Variants in AGBL1 observed in about 807,000 individuals in gnomAD.
AGBL1 encodes the protein cytosolic carboxypeptidase 4.
Under a neutral mutation model 118.9 loss-of-function variants are expected in AGBL1, and 130 were observed. The ratio of observed to expected loss-of-function variants is 1.09; its 90% confidence interval spans 0.95 to 1.26. AGBL1 has a LOEUF of 1.26. Ranked by LOEUF, AGBL1 falls within the 50% of genes most tolerant of loss-of-function variation. The pLI is 0.00. For missense variants in AGBL1, 1,584 were observed against 1,298.1 expected (o/e 1.22, Z -3.38); for synonymous variants, 555 against 478.9 (o/e 1.16, Z -2.08).
At chr15:86,472,957 C>A (rs1006628133) in intron 18 of AGBL1, among the ~76,000 whole-genome samples, 2 of 151,936 alleles carry the variant, frequency 1.3e-5, no homozygotes, top group African/African-American at 4.8e-5. Context: ...AACCCATTAG[C>A]CCAGAATCAA....
intron 21 of AGBL1, among the ~76,000 whole-genome samples, chr15:86,651,533 G>T (rs1466362623): frequency 6.6e-6 from 1 of 152,192 alleles, no homozygotes; most frequent in Non-Finnish European, 1.5e-5. Flanking sequence ...AAGTGATTTA[G>T]ATGAGTTATT....
At chr15:86,899,068 A>G (rs1458669676) in intron 22 of AGBL1, among the ~76,000 whole-genome samples, 1 of 152,166 alleles carries the variant, frequency 6.6e-6, no homozygotes, top group African/African-American at 2.4e-5. Context: ...AAATCATTCT[A>G]CCGCAAAGAC....
chr15:86,225,149 C>T (rs918709665), intron 6 of AGBL1, among the ~76,000 whole-genome samples, 198 bp downstream of exon 6: 11 of 151,236 alleles, frequency 7.3e-5, no homozygotes, highest in Non-Finnish European at 1.5e-4. Flanking sequence ...AATATTATGG[C>T]TGTTCCAGGT....
chr15:86,386,667 C>T (rs145978159), intron 17 of AGBL1, among the ~76,000 whole-genome samples: 2 of 151,982 alleles, frequency 1.3e-5, no homozygotes, highest in Non-Finnish European at 2.9e-5. Context: ...ATGATGATTC[C>T]ACTCCTCCTC....
chr15:86,090,646 A>G (rs893342878), intron 1 of AGBL1, among the ~76,000 whole-genome samples: 2 of 152,280 alleles, frequency 1.3e-5, no homozygotes, highest in Middle Eastern at 3.4e-3. Flanking sequence ...TTCTTCTAGC[A>G]TTTCACTTGG....
chr15:86,690,810 A>C (rs1197161266), intron 22 of AGBL1, among the ~76,000 whole-genome samples: 2 of 152,084 alleles, frequency 1.3e-5, no homozygotes, highest in Non-Finnish European at 2.9e-5. Context: ...GTCCAATAGC[A>C]TGGGTGCTGA....
At chr15:86,958,466 G>C (rs2070365657) in intron 23 of AGBL1, among the ~76,000 whole-genome samples, 1 of 152,016 alleles carries the variant, frequency 6.6e-6, no homozygotes, top group African/African-American at 2.4e-5. Flanking sequence ...AAAGAAACAT[G>C]AATCAGACCT....
chr15:86,545,847 C>T (rs182381047), intron 19 of AGBL1, among the ~76,000 whole-genome samples, 155 bp from the exon 20 acceptor site: 34 of 152,258 alleles, frequency 2.2e-4, no homozygotes, highest in Admixed American at 3.9e-4. Context: ...ACCAGTGATC[C>T]GCACATGGCT....
chr15:86,948,653 T>C (rs2080849675), intron 23 of AGBL1, among the ~76,000 whole-genome samples: 3 of 152,210 alleles, frequency 2.0e-5, no homozygotes, highest in Admixed American at 1.3e-4. Flanking sequence ...CCAAAGTAAA[T>C]ATTTAATTGC....
intron 5 of AGBL1, among the ~76,000 whole-genome samples, chr15:86,186,893 C>G (rs2077641489): frequency 6.6e-6 from 1 of 152,130 alleles, no homozygotes; most frequent in African/African-American, 2.4e-5. Flanking sequence ...AAATGAAGTT[C>G]AAGACAAAAT....
chr15:86,657,327 C>T (rs1331735717), intron 21 of AGBL1, among the ~76,000 whole-genome samples: 3 of 152,182 alleles, frequency 2.0e-5, no homozygotes. Context: ...TTGACACAAG[C>T]TTTCCTCACT....
chr15:86,207,795 AC>A (rs1422813505), intron 5 of AGBL1, among the ~76,000 whole-genome samples: 1 of 152,110 alleles, frequency 6.6e-6, no homozygotes, highest in Admixed American at 6.6e-5. Flanking sequence ...CTAATTGAAT[AC>A]CCTTTATTTC....
At chr15:86,517,328 T>A (rs1270763326) in intron 18 of AGBL1, among the ~76,000 whole-genome samples, 3 of 152,164 alleles carry the variant, frequency 2.0e-5, no homozygotes, top group Non-Finnish European at 4.4e-5. Context: ...TAGGATCTTG[T>A]TAAAATGCAG....
intron 22 of AGBL1, among the ~76,000 whole-genome samples, chr15:86,780,728 A>G (rs2078324711): frequency 6.7e-6 from 1 of 148,400 alleles, no homozygotes; most frequent in African/African-American, 2.5e-5. Context: ...GTGGCGTGAT[A>G]TCTTGGCTCA....
chr15:86,813,420 G>A (rs1194274523), intron 22 of AGBL1, among the ~76,000 whole-genome samples: 1 of 152,156 alleles, frequency 6.6e-6, no homozygotes, highest in East Asian at 1.9e-4. Context: ...CTGACAAAAA[G>A]TGCCTCTATC....
At chr15:86,214,313 C>A (rs564513497) in intron 5 of AGBL1, among the ~76,000 whole-genome samples, 1 of 152,148 alleles carries the variant, frequency 6.6e-6, no homozygotes, top group South Asian at 2.1e-4. Flanking sequence ...ATCATAGGTA[C>A]ATTTGACTTA....
chr15:86,616,385 A>G (rs959368253), intron 21 of AGBL1, among the ~76,000 whole-genome samples: 1 of 151,776 alleles, frequency 6.6e-6, no homozygotes, highest in African/African-American at 2.4e-5. Flanking sequence ...AAGATGGAAA[A>G]CTTGTCGTTG....
At chr15:86,782,703 G>T (rs528031827) in intron 22 of AGBL1, among the ~76,000 whole-genome samples, 55 of 152,196 alleles carry the variant, frequency 3.6e-4, no homozygotes, top group African/African-American at 1.3e-3. Flanking sequence ...TCAAGGTAGG[G>T]ATAGGTGGCA....
intron 22 of AGBL1, among the ~76,000 whole-genome samples, chr15:86,807,222 A>G (rs908251848): frequency 2.6e-5 from 4 of 152,184 alleles, no homozygotes; most frequent in Non-Finnish European, 5.9e-5. Context: ...TGAGCACTTT[A>G]GCCTTGCAAA....
Sources: gnomAD v4.1 joint callset for allele counts (sites outside exome capture counted in the v4.1 genomes callset) on GRCh38, gnomAD v4.1.1 for gene constraint, MANE v1.5 for transcripts, NCBI Gene and HGNC (gene_info 2026-07-23, HGNC 2026-07-21) for gene names.